SGCZ: variants seen among roughly 807,000 people sequenced by gnomAD.
SGCZ encodes the protein sarcoglycan zeta, also known as zeta-sarcoglycan.
Under a neutral mutation model 41.3 loss-of-function variants are expected in SGCZ, and 40 were observed. That is an observed-to-expected ratio of 0.97 (90% CI 0.75 to 1.26). The LOEUF is 1.26. Among genes scored for constraint, SGCZ ranks in the 50% most tolerant of loss-of-function variants. The probability of loss-of-function intolerance (pLI) is 0.00; values close to 1 mark genes in which losing one functional copy is unlikely to be tolerated. For missense variants in SGCZ, 552 were observed against 369.8 expected (o/e 1.49, Z -4.04); for synonymous variants, 206 against 137.5 (o/e 1.50, Z -3.49).
At chr8:14,688,967 T>A (rs568866805) in intron 1 of SGCZ, among the ~76,000 whole-genome samples, 62 of 151,820 alleles carry the variant, frequency 4.1e-4, no homozygotes, top group Non-Finnish European at 5.9e-4. Flanking sequence ...TATACACCAA[T>A]AACAGACAAA....
chr8:14,405,858 C>T (rs1181531052), intron 2 of SGCZ, among the ~76,000 whole-genome samples: 1 of 147,562 alleles, frequency 6.8e-6, no homozygotes, highest in Non-Finnish European at 1.5e-5. Context: ...ATATCTTAGT[C>T]ATTTGTGTTT....
chr8:15,055,482 G>GA lies in SGCZ; in HGVS notation c.39+182102dup, dbSNP rs897236805. Among the ~76,000 whole-genome samples, 217 of 152,076 alleles carry GA rather than the reference G, an allele frequency of 1.4e-3. 1 individual carries two copies. Among genetic ancestry groups the GA allele is most frequent in the African/African-American group, 4.9e-3 (204 of 41,512 alleles). On this transcript the variant is annotated intron_variant, in intron 1 of 7. Coordinates refer to ENST00000382080, the MANE Select transcript of SGCZ (RefSeq NM_139167.4). ...ATGCATGACTATGTACGAATTTCAGGAAAAAAACATGAAAATTAGGCCCAA... is the reference window on the plus strand; with the variant it reads ...ATGCATGACTATGTACGAATTTCAGGAAAAAAAACATGAAAATTAGGCCCAA...
intron 1 of SGCZ, among the ~76,000 whole-genome samples, chr8:15,128,199 G>A (rs1807773710): frequency 6.6e-6 from 1 of 152,152 alleles, no homozygotes; most frequent in African/African-American, 2.4e-5. Context: ...CTGGTGGGAA[G>A]AAGAGTTATT....
At chr8:14,646,993 C>T (rs1379165690) in intron 1 of SGCZ, among the ~76,000 whole-genome samples, 3 of 151,822 alleles carry the variant, frequency 2.0e-5, no homozygotes, top group African/African-American at 7.3e-5. Flanking sequence ...AAATTTAGGT[C>T]GTAGAGCTTC....
intron 3 of SGCZ, among the ~76,000 whole-genome samples, chr8:14,264,964 A>AAAAC (rs1004134474): frequency 2.0e-5 from 3 of 152,274 alleles, no homozygotes; most frequent in Non-Finnish European, 2.9e-5. Flanking sequence ...CTCTGTCTCA[A>AAAAC]AAACAAACAA....
rs1170147961 is a variant in SGCZ at position 15,237,758 on chromosome 8, G to A, written c.-135C>T. 6 of 761,618 alleles carry A rather than the reference G, an allele frequency of 7.9e-6. No homozygotes were observed. Among genetic ancestry groups the A allele is most frequent in the African/African-American group, 5.3e-5 (3 of 56,284 alleles). The allele number at this position is 761,618 out of a possible 1,614,324, so 47.2% of individuals were successfully genotyped here. Reference sequence around the variant, plus strand: ...AGCTCCTCTCAGTCTCATTCTCCGTGGTCACGCCGCCTCCACCGGGTTAAA... The same window carrying A: ...AGCTCCTCTCAGTCTCATTCTCCGTAGTCACGCCGCCTCCACCGGGTTAAA... On this transcript the variant is annotated 5_prime_UTR_variant, in exon 1 of 8. Coordinates refer to ENST00000382080, the MANE Select transcript of SGCZ (RefSeq NM_139167.4).
intron 1 of SGCZ, among the ~76,000 whole-genome samples, chr8:14,715,981 T>G (rs1460993526): frequency 6.6e-6 from 1 of 152,090 alleles, no homozygotes; most frequent in Non-Finnish European, 1.5e-5. Context: ...ATTCTAAAAT[T>G]TATGGCACTA....
intron 1 of SGCZ, among the ~76,000 whole-genome samples, chr8:14,949,988 C>T (rs779224728): frequency 1.3e-5 from 2 of 151,980 alleles, no homozygotes; most frequent in African/African-American, 2.4e-5. Flanking sequence ...AATAAAAACA[C>T]CAGGTCATTT....
At chr8:14,350,402 T>G (rs1035189342) in intron 2 of SGCZ, among the ~76,000 whole-genome samples, 2 of 152,150 alleles carry the variant, frequency 1.3e-5, no homozygotes, top group African/African-American at 4.8e-5. Context: ...GGAGTTGTAT[T>G]GAATACTATG....
chr8:14,737,429 C>A (rs1302034889), intron 1 of SGCZ, among the ~76,000 whole-genome samples: 1 of 151,976 alleles, frequency 6.6e-6, no homozygotes, highest in Admixed American at 6.6e-5. Flanking sequence ...CACTGAGAAT[C>A]CAAGTTTCTT....
At chr8:14,105,307 A>C (rs986996686) in intron 6 of SGCZ, among the ~76,000 whole-genome samples, 18 of 152,124 alleles carry the variant, frequency 1.2e-4, no homozygotes, top group African/African-American at 4.3e-4. Flanking sequence ...ACATTTCTTC[A>C]CCAAAATATT....
Position 14,483,811 on chromosome 8 carries a change from CAA to C in SGCZ, c.234+70919_234+70920del, listed in dbSNP as rs1347323712. Reference sequence around the variant, plus strand: ...ATATGAATATATGCAGCATAAATGACAAAGTTATTTTATTTTCAGTTTAGCCT... The same window carrying C: ...ATATGAATATATGCAGCATAAATGACAGTTATTTTATTTTCAGTTTAGCCT... On this transcript the variant is annotated intron_variant, in intron 2 of 7. Coordinates refer to ENST00000382080, the MANE Select transcript of SGCZ (RefSeq NM_139167.4). Among the ~76,000 whole-genome samples the C allele has an allele frequency of 6.6e-5, 10 of 152,088 alleles. No homozygotes were observed. The East Asian group carries it at 1.7e-3, about 26-fold the overall frequency.
intron 1 of SGCZ, among the ~76,000 whole-genome samples, chr8:15,080,295 T>C (rs112997589): frequency 4.6e-5 from 7 of 152,214 alleles, no homozygotes; most frequent in African/African-American, 7.2e-5. Flanking sequence ...CTGGCCACTT[T>C]GCATCCATCC....
At chr8:14,451,975 T>C (rs1011874391) in intron 2 of SGCZ, among the ~76,000 whole-genome samples, 3 of 152,222 alleles carry the variant, frequency 2.0e-5, no homozygotes, top group African/African-American at 7.2e-5. Flanking sequence ...ATCATACTCC[T>C]TGTTATTTAT....
intron 4 of SGCZ, among the ~76,000 whole-genome samples, chr8:14,171,423 C>T (rs957228414): frequency 1.3e-5 from 2 of 151,920 alleles, no homozygotes; most frequent in African/African-American, 2.4e-5. Flanking sequence ...CTATATGTAA[C>T]ATAACTTGTT....
chr8:15,200,435 T>G (rs1266322228), intron 1 of SGCZ, among the ~76,000 whole-genome samples: 4 of 152,106 alleles, frequency 2.6e-5, no homozygotes, highest in East Asian at 1.9e-4. Flanking sequence ...ACTGTGAAGA[T>G]AAAAGTAGAC....
chr8:14,300,321 C>G (rs1446788036), intron 3 of SGCZ, among the ~76,000 whole-genome samples: 3 of 148,910 alleles, frequency 2.0e-5, no homozygotes, highest in African/African-American at 7.4e-5. Flanking sequence ...AAGGAAAGAA[C>G]AAAGAGAGAG....
At chr8:15,058,526 G>A (rs943865640) in intron 1 of SGCZ, among the ~76,000 whole-genome samples, 4 of 152,130 alleles carry the variant, frequency 2.6e-5, no homozygotes, top group Non-Finnish European at 5.9e-5. Flanking sequence ...AATTTTCCAT[G>A]CACCTTAAGC....
chr8:14,707,653 A>C (rs1035361903), intron 1 of SGCZ, among the ~76,000 whole-genome samples: 2 of 152,126 alleles, frequency 1.3e-5, no homozygotes, highest in Non-Finnish European at 2.9e-5. Context: ...CTTACTTTAA[A>C]CCATAAAAAC....
Sources: gnomAD v4.1 joint callset for allele counts (sites outside exome capture counted in the v4.1 genomes callset) on GRCh38, gnomAD v4.1.1 for gene constraint, MANE v1.5 for transcripts, NCBI Gene and HGNC (gene_info 2026-07-23, HGNC 2026-07-21) for gene names.